The following SNX13 variants were observed in gnomAD, a reference collection of about 807,000 sequenced individuals.
SNX13 encodes sorting nexin 13, also known as sorting nexin-13.
Under a neutral mutation model 133.6 loss-of-function variants are expected in SNX13, and 45 were observed. That is an observed-to-expected ratio of 0.34 (90% CI 0.27 to 0.43). The LOEUF is 0.43. Among genes scored for constraint, SNX13 ranks in the 20% least tolerant of loss-of-function variants. SNX13 has a pLI of 1.00. For synonymous variants in SNX13, 414 were observed against 373.9 expected (o/e 1.11, Z -1.24); for missense variants, 1,032 against 1,145.1 (o/e 0.90, Z 1.43).
chr7:17,816,278 G>C lies in SNX13; in HGVS notation c.1857C>G (p.Leu619=). 6.5e-7 allele frequency: 1 copy of C among 1,541,032 alleles called. No individual in the cohort carries two copies. Among genetic ancestry groups the C allele is most frequent in the Non-Finnish European group, 8.8e-7 (1 of 1,141,746 alleles). Residue 619 remains leucine (L), a synonymous_variant, in exon 19 of 26, where the codon CTC becomes CTG. Transcript: ENST00000428135. ...TTCCAGGAAGTTTCAATATGCTTGA[G>C]AGACTTTCAAACTGTAAGACAAAAT... is the stretch of plus-strand genomic sequence containing the variant. ...HMRITEQFES[L]SSILKLPGKK...
At chr7:17,800,495 T>G (rs939456065) in intron 22 of SNX13, among the ~76,000 whole-genome samples, 2 of 151,678 alleles carry the variant, frequency 1.3e-5, no homozygotes, top group Non-Finnish European at 3.0e-5. Flanking sequence ...TATACAAAAA[T>G]CAATCCCAGA....
At chr7:17,901,337 G>A (rs1797811434) in intron 1 of SNX13, among the ~76,000 whole-genome samples, 1 of 152,138 alleles carries the variant, frequency 6.6e-6, no homozygotes, top group South Asian at 2.1e-4. Flanking sequence ...GTGTCTCACT[G>A]GGTGGTGCGG....
chr7:17,910,842 C>T (rs1798893442), intron 1 of SNX13, among the ~76,000 whole-genome samples: 1 of 152,182 alleles, frequency 6.6e-6, no homozygotes, highest in African/African-American at 2.4e-5. Context: ...ATCCAGAATA[C>T]ATAAATCCAT....
chr7:17,918,743 C>T (rs1799820535), intron 1 of SNX13, among the ~76,000 whole-genome samples: 1 of 152,194 alleles, frequency 6.6e-6, no homozygotes, highest in Non-Finnish European at 1.5e-5. Context: ...CCCACAATCC[C>T]ATTACTGGGT....
intron 20 of SNX13, among the ~76,000 whole-genome samples, chr7:17,804,488 T>C (rs1019993576): frequency 8.6e-5 from 13 of 151,996 alleles, no homozygotes; most frequent in Non-Finnish European, 1.5e-4. Context: ...AAATCTTATC[T>C]TAGCAAGGTG....
intron 20 of SNX13, among the ~76,000 whole-genome samples, chr7:17,810,894 G>A (rs1785919263): frequency 6.6e-6 from 1 of 152,072 alleles, no homozygotes; most frequent in Non-Finnish European, 1.5e-5. Context: ...CAGAACCAAT[G>A]ACAAAAACCA....
chr7:17,902,664 T>C (rs772996033), intron 1 of SNX13, among the ~76,000 whole-genome samples: 5 of 152,060 alleles, frequency 3.3e-5, no homozygotes, highest in Non-Finnish European at 7.4e-5. Flanking sequence ...ATCTCAAGAG[T>C]TGTCCTATAA....
Position 17,872,698 on chromosome 7 carries a change from T to G in SNX13, c.753+830A>C, listed in dbSNP as rs111732091. On this transcript the variant is annotated intron_variant, in intron 8 of 25. Coordinates refer to ENST00000428135, the MANE Select transcript of SNX13 (RefSeq NM_015132.5). ...ATGGTATGGCTTATAAACAATAACATGCAAGCATAAAAGCAAGTCTCAGGA... is the reference window on the plus strand; with the variant it reads ...ATGGTATGGCTTATAAACAATAACAGGCAAGCATAAAAGCAAGTCTCAGGA... Among the ~76,000 whole-genome samples the G allele has an allele frequency of 4.6e-5, 7 of 152,178 alleles. No homozygotes were observed. The South Asian group carries it at 1.4e-3, about 31-fold the overall frequency.
chr7:17,844,136 T>G (rs190951899), intron 12 of SNX13, among the ~76,000 whole-genome samples: 55 of 152,020 alleles, frequency 3.6e-4, no homozygotes, highest in African/African-American at 1.3e-3. Flanking sequence ...AAAGCAATAG[T>G]TGATTCTTTG....
chr7:17,939,977 T>C (rs954782845), intron 1 of SNX13, among the ~76,000 whole-genome samples: 1 of 151,988 alleles, frequency 6.6e-6, no homozygotes, highest in African/African-American at 2.4e-5. Flanking sequence ...GAGTAGCGTG[T>C]AAGGGGACAC....
At chr7:17,831,236 T>C in intron 15 of SNX13, 1 of 983,910 alleles carries the variant, frequency 1.0e-6, no homozygotes, top group Non-Finnish European at 1.2e-6. Flanking sequence ...TAATCAAGAA[T>C]TGGATGACTA....
rs1253306478 is a variant in SNX13 at position 17,804,795 on chromosome 7, T to C, written c.2065-1215A>G. On this transcript the variant is annotated intron_variant, in intron 20 of 25. Transcript: ENST00000428135. ...ACCAGTGAAAACAAATTATGTTTCA[T>C]GCAAAAACAAAAAAATGAATAACAG... 2.0e-5 allele frequency among the ~76,000 whole-genome samples: 3 copies of C among 151,960 alleles called. No homozygotes were observed. In the East Asian group the frequency reaches 5.8e-4, roughly 29 times the overall value.
At chr7:17,911,749 A>G (rs528359717) in intron 1 of SNX13, among the ~76,000 whole-genome samples, 11 of 152,302 alleles carry the variant, frequency 7.2e-5, no homozygotes, top group Middle Eastern at 3.4e-3. Flanking sequence ...AAGGAGTACA[A>G]TATGTTATTA....
At chr7:17,863,696 C>T (rs1444592910) in intron 9 of SNX13, among the ~76,000 whole-genome samples, 1 of 152,198 alleles carries the variant, frequency 6.6e-6, no homozygotes, top group Admixed American at 6.5e-5. Flanking sequence ...TGGCCACAGG[C>T]GTTAGGCAAG....
At chr7:17,916,754 T>C (rs1583770221) in intron 1 of SNX13, among the ~76,000 whole-genome samples, 1 of 150,576 alleles carries the variant, frequency 6.6e-6, no homozygotes, top group Admixed American at 6.6e-5. Flanking sequence ...TTAGTAACAA[T>C]CCTACTGAAA....
chr7:17,846,614 A>G (rs1790558675), intron 11 of SNX13, among the ~76,000 whole-genome samples: 2 of 152,182 alleles, frequency 1.3e-5, no homozygotes, highest in African/African-American at 4.8e-5. Flanking sequence ...CCATATTCAG[A>G]GGCAGATACT....
intron 17 of SNX13, among the ~76,000 whole-genome samples, chr7:17,823,369 T>C (rs938184782): frequency 6.6e-6 from 1 of 152,166 alleles, no homozygotes; most frequent in Non-Finnish European, 1.5e-5. Flanking sequence ...TGAATAAACG[T>C]GGTCAAGTTC....
chr7:17,799,704 T>C (rs1272030532), intron 22 of SNX13, among the ~76,000 whole-genome samples: 1 of 151,754 alleles, frequency 6.6e-6, no homozygotes, highest in African/African-American at 2.4e-5. Flanking sequence ...TTTACTAAAT[T>C]ACTAGAATTT....
chr7:17,879,530 A>G (rs1795105386), intron 5 of SNX13: 1 of 152,252 alleles, frequency 6.6e-6, no homozygotes, highest in Non-Finnish European at 1.5e-5. Context: ...GGCACAAACA[A>G]CAATTGCTTC....
Sources: allele counts gnomAD v4.1 joint callset (sites outside exome capture counted in the v4.1 genomes callset), GRCh38; gene constraint gnomAD v4.1.1; transcripts MANE v1.5; gene names NCBI Gene and HGNC (gene_info 2026-07-23, HGNC 2026-07-21).